The following KIAA0825 variants were observed in gnomAD, a reference collection of about 807,000 sequenced individuals.
KIAA0825 encodes the protein KIAA0825.
A neutral mutation model predicts 147.6 loss-of-function variants in KIAA0825; 119 were observed. The observed-to-expected ratio is 0.81, with a 90% CI of 0.69 to 0.94. The LOEUF (loss-of-function observed/expected upper bound fraction) is 0.94, where lower values mean the gene tolerates loss of function less well. Ranked by LOEUF, KIAA0825 falls within the 40% of genes least tolerant of loss-of-function variation. KIAA0825 has a pLI of 0.00. For missense variants in KIAA0825, 1,381 were observed against 1,472.7 expected, an observed-to-expected ratio of 0.94 and a Z score of 1.02; for synonymous variants, 470 against 518.1, an observed-to-expected ratio of 0.91 and a Z score of 1.26.
At chr5:94,305,768 C>T (rs140379380) in intron 20 of KIAA0825, among the ~76,000 whole-genome samples, 1 of 151,992 alleles carries the variant, frequency 6.6e-6, no homozygotes, top group East Asian at 1.9e-4. Context: ...TCATGACTAT[C>T]ATCAGAGACT....
intron 5 of KIAA0825, among the ~76,000 whole-genome samples, chr5:94,495,220 T>C (rs1332155327): frequency 9.2e-5 from 14 of 152,132 alleles, no homozygotes; most frequent in Admixed American, 7.9e-4. Flanking sequence ...TCTAAAAGAG[T>C]AGGGCAGGCC....
At chr5:94,431,262 A>T (rs1204368820) in intron 14 of KIAA0825, among the ~76,000 whole-genome samples, 1 of 152,250 alleles carries the variant, frequency 6.6e-6, no homozygotes, top group Non-Finnish European at 1.5e-5. Flanking sequence ...TAAGGTCAAT[A>T]TTAGTACCCC....
At chr5:94,556,355 G>A (rs1443718292) in intron 2 of KIAA0825, among the ~76,000 whole-genome samples, 1 of 152,046 alleles carries the variant, frequency 6.6e-6, no homozygotes, top group African/African-American at 2.4e-5. Flanking sequence ...GCATGAGCAT[G>A]AGCATGAGCC....
intron 20 of KIAA0825, among the ~76,000 whole-genome samples, chr5:94,230,509 T>G (rs1248205392): frequency 6.6e-6 from 1 of 152,154 alleles, no homozygotes; most frequent in Non-Finnish European, 1.5e-5. Flanking sequence ...CCTCCACTCT[T>G]GCACTTGTTT....
intron 17 of KIAA0825, among the ~76,000 whole-genome samples, chr5:94,394,006 C>T (rs2150572384): frequency 6.6e-6 from 1 of 152,082 alleles, no homozygotes; most frequent in African/African-American, 2.4e-5. Context: ...ACCACCACAC[C>T]CAGCTAATTT....
intron 1 of KIAA0825, among the ~76,000 whole-genome samples, chr5:94,608,567 C>G (rs1211656194): frequency 8.1e-6 from 1 of 123,576 alleles, no homozygotes; most frequent in African/African-American, 3.1e-5. Flanking sequence ...TTCTTGACTT[C>G]AAGTGATCTA....
At chr5:94,504,450 T>C (rs1239996510) in intron 5 of KIAA0825, among the ~76,000 whole-genome samples, 1 of 152,170 alleles carries the variant, frequency 6.6e-6, no homozygotes, top group Non-Finnish European at 1.5e-5. Flanking sequence ...GCTAGAACAC[T>C]CCAAAAGGCT....
At chr5:94,376,003 C>T (rs1747505486) in intron 20 of KIAA0825, among the ~76,000 whole-genome samples, 1 of 152,124 alleles carries the variant, frequency 6.6e-6, no homozygotes, top group Admixed American at 6.5e-5. Flanking sequence ...AGAACATGGC[C>T]TCGAGCCAAA....
At chr5:94,607,622 CA>C (rs1417998867) in intron 1 of KIAA0825, among the ~76,000 whole-genome samples, 2 of 152,034 alleles carry the variant, frequency 1.3e-5, no homozygotes, top group African/African-American at 4.8e-5. Context: ...AACAAACAAA[CA>C]AACAAACAAA....
chr5:94,524,909 A>G (rs1321987734), intron 3 of KIAA0825, among the ~76,000 whole-genome samples: 1 of 151,924 alleles, frequency 6.6e-6, no homozygotes, highest in African/African-American at 2.4e-5. Context: ...TGTTGATAAA[A>G]TAACAGATAC....
chr5:94,532,839 A>T (rs1483630955), intron 3 of KIAA0825, among the ~76,000 whole-genome samples: 1 of 151,768 alleles, frequency 6.6e-6, no homozygotes, highest in African/African-American at 2.4e-5. Flanking sequence ...AAAAAAAAAA[A>T]AGTAGTCCAG....
At chr5:94,338,547 AT>A (rs1264942275) in intron 20 of KIAA0825, among the ~76,000 whole-genome samples, 5 of 152,186 alleles carry the variant, frequency 3.3e-5, no homozygotes, top group Non-Finnish European at 5.9e-5. Flanking sequence ...ATAATAACAT[AT>A]TTTTACTGTA....
At chr5:94,602,223 C>T (rs1195186033) in intron 1 of KIAA0825, among the ~76,000 whole-genome samples, 1 of 152,104 alleles carries the variant, frequency 6.6e-6, no homozygotes, top group Non-Finnish European at 1.5e-5. Flanking sequence ...TGGTAGCGGG[C>T]ACCTGTAGTC....
intron 20 of KIAA0825, among the ~76,000 whole-genome samples, chr5:94,381,314 C>T (rs1430381215): frequency 6.6e-6 from 1 of 152,084 alleles, no homozygotes; most frequent in Non-Finnish European, 1.5e-5. Context: ...TACGGTGGTG[C>T]CTCTGTGTCT....
At chr5:94,374,849 C>T (rs1486242075) in intron 20 of KIAA0825, among the ~76,000 whole-genome samples, 1 of 152,172 alleles carries the variant, frequency 6.6e-6, no homozygotes, top group African/African-American at 2.4e-5. Flanking sequence ...ATGTGCATCT[C>T]TCTCCTAAAA....
chr5:94,292,973 TTTA>T (rs1777968545), intron 20 of KIAA0825, among the ~76,000 whole-genome samples: 1 of 152,158 alleles, frequency 6.6e-6, no homozygotes, highest in Non-Finnish European at 1.5e-5. Flanking sequence ...TTTATCATTT[TTTA>T]TTGTGTCTTT....
intron 14 of KIAA0825, among the ~76,000 whole-genome samples, chr5:94,423,355 C>T (rs187577376): frequency 2.0e-5 from 3 of 152,230 alleles, no homozygotes; most frequent in Admixed American, 1.3e-4. Flanking sequence ...ATTATACAAA[C>T]AAATGTCTTC....
At chr5:94,558,679 G>A (rs764268782) in intron 2 of KIAA0825, among the ~76,000 whole-genome samples, 20 of 152,114 alleles carry the variant, frequency 1.3e-4, no homozygotes, top group Non-Finnish European at 2.5e-4. Flanking sequence ...ACATGTTACC[G>A]CAAAGTTTGG....
chr5:94,420,195 T>A (rs1753992373), intron 14 of KIAA0825, among the ~76,000 whole-genome samples: 1 of 151,926 alleles, frequency 6.6e-6, no homozygotes, highest in Non-Finnish European at 1.5e-5. Context: ...AGCGAGGCAA[T>A]CAACAGAGCA....
Sources: allele counts gnomAD v4.1 joint callset (sites outside exome capture counted in the v4.1 genomes callset), GRCh38; gene constraint gnomAD v4.1.1; transcripts MANE v1.5; gene names NCBI Gene and HGNC (gene_info 2026-07-23, HGNC 2026-07-21).